Variants in MEIG1 observed in about 807,000 individuals in gnomAD.
MEIG1 encodes the protein meiosis expressed gene 1 protein homolog.
Under a neutral mutation model 11.3 loss-of-function variants are expected in MEIG1, and 12 were observed. The ratio of observed to expected loss-of-function variants is 1.07; its 90% CI spans 0.68 to 1.73. The LOEUF (loss-of-function observed/expected upper bound fraction) is 1.73. Ranked by LOEUF, MEIG1 falls within the 40% of genes most tolerant of loss-of-function variation. MEIG1 has a pLI of 0.00. For synonymous variants in MEIG1, 41 were observed against 33.2 expected (o/e 1.24, Z -0.81); for missense variants, 119 against 104.9 (o/e 1.13, Z -0.59).
intron 2 of MEIG1, among the ~76,000 whole-genome samples, chr10:14,971,505 C>T (rs1470538545): frequency 2.6e-5 from 4 of 151,652 alleles, no homozygotes; most frequent in African/African-American, 7.3e-5. Context: ...ATCACAACAC[C>T]GCACTACAGC....
chr10:14,960,024 C>A (rs1377800153), intron 1 of MEIG1, among the ~76,000 whole-genome samples: 1 of 152,234 alleles, frequency 6.6e-6, no homozygotes, highest in Non-Finnish European at 1.5e-5. Flanking sequence ...TCAGCACTCC[C>A]AGAGCAGGGA....
chr10:14,963,681 T>TG (rs1843041785), intron 1 of MEIG1, among the ~76,000 whole-genome samples: 1 of 152,174 alleles, frequency 6.6e-6, no homozygotes, highest in Non-Finnish European at 1.5e-5. Flanking sequence ...ACTGTAAAAC[T>TG]GGACCGGGTG....
At chr10:14,959,208 C>G (rs1474520718), upstream of MEIG1, among the ~76,000 whole-genome samples, 1 of 152,246 alleles carries the variant, frequency 6.6e-6, no homozygotes, top group African/African-American at 2.4e-5. Context: ...CGCCCTCCAT[C>G]TCTGCTCAGG....
chr10:14,976,162 A>G (rs1289459893), downstream of MEIG1, among the ~76,000 whole-genome samples: 1 of 152,112 alleles, frequency 6.6e-6, no homozygotes, highest in Non-Finnish European at 1.5e-5. Flanking sequence ...GATTTTTCCT[A>G]GGATCTTTTC....
At chr10:14,956,106 T>C (rs1393912333), upstream of MEIG1, among the ~76,000 whole-genome samples, 1 of 152,086 alleles carries the variant, frequency 6.6e-6, no homozygotes, top group Non-Finnish European at 1.5e-5. Context: ...CAAAGGGAAA[T>C]AGAGTCAGGA....
intron 1 of MEIG1, among the ~76,000 whole-genome samples, chr10:14,981,201 T>C (rs1352460686): frequency 3.5e-4 from 52 of 148,794 alleles, no homozygotes; most frequent in African/African-American, 1.3e-3. Flanking sequence ...CCCGTACTCT[T>C]GGCCACCGCT....
chr10:14,967,226 C>T (rs531649755), intron 2 of MEIG1, among the ~76,000 whole-genome samples: 2 of 152,106 alleles, frequency 1.3e-5, no homozygotes, highest in Admixed American at 1.3e-4. Context: ...ATTTCATTAT[C>T]AGATAATCAG....
chr10:14,962,184 G>C (rs1843022622), intron 1 of MEIG1, among the ~76,000 whole-genome samples: 1 of 152,166 alleles, frequency 6.6e-6, no homozygotes, highest in Admixed American at 6.5e-5. Context: ...CTAAGTACTA[G>C]CAGAATTAGA....
At chr10:14,966,224 T>C (rs4750567) in intron 1 of MEIG1, among the ~76,000 whole-genome samples, 97,049 of 151,382 alleles carry the variant, frequency 0.64, 31,407 homozygotes, top group Admixed American at 0.68. Context: ...CCACCATGCC[T>C]AGCTAATTTT....
upstream of MEIG1, chr10:14,954,410 C>G (rs572779950): frequency 1.8e-5 from 6 of 325,640 alleles, no homozygotes; most frequent in Non-Finnish European, 3.6e-5. Context: ...CGGAACTGCG[C>G]TTAGAAATCA....
intron 1 of MEIG1, among the ~76,000 whole-genome samples, chr10:14,964,610 C>T (rs61842863): frequency 0.28 from 27,128 of 97,764 alleles, 3,515 homozygotes; most frequent in Non-Finnish European, 0.31. Flanking sequence ...TATATATATA[C>T]ACACACACAC....
At chr10:14,968,281 AGTTTG>A in intron 2 of MEIG1, among the ~76,000 whole-genome samples, 1 of 152,132 alleles carries the variant, frequency 6.6e-6, no homozygotes. Flanking sequence ...TGAGGTAATG[AGTTTG>A]AGACCAGCCT....
chr10:14,972,370 C>A (rs1935401), intron 2 of MEIG1, 143 bp from the exon 3 acceptor site: 706,378 of 1,051,858 alleles, frequency 0.67, 238,918 homozygotes, highest in Admixed American at 0.71. Context: ...TTGTGGGTAT[C>A]ATACTTTAAA....
chr10:14,974,792 ACAGT>A (rs1843193357), downstream of MEIG1, among the ~76,000 whole-genome samples: 1 of 152,026 alleles, frequency 6.6e-6, no homozygotes, highest in Non-Finnish European at 1.5e-5. Context: ...TCATTAGAAA[ACAGT>A]CATATTAGCT....
At chr10:14,965,548 A>G (rs905482628) in intron 1 of MEIG1, among the ~76,000 whole-genome samples, 2 of 152,178 alleles carry the variant, frequency 1.3e-5, no homozygotes, top group South Asian at 4.1e-4. Flanking sequence ...TACTACAGTG[A>G]CCTCAGTAAA....
chr10:14,954,375 C>G, the MEIG1 span: 3 of 370,480 alleles, frequency 8.1e-6, no homozygotes, highest in Non-Finnish European at 1.6e-5. Flanking sequence ...AGCAGGTGGC[C>G]CCAGCCGACG....
At chr10:14,960,119 C>T (rs1161778544) in intron 1 of MEIG1, among the ~76,000 whole-genome samples, 4 of 134,314 alleles carry the variant, frequency 3.0e-5, no homozygotes, top group Non-Finnish European at 3.2e-5. Context: ...CCTTAGAGAC[C>T]GGCTAATGCT....
chr10:14,955,108 T>C (rs906631133), upstream of MEIG1, among the ~76,000 whole-genome samples: 1 of 152,136 alleles, frequency 6.6e-6, no homozygotes, highest in African/African-American at 2.4e-5. Context: ...ATTTTTATAT[T>C]TTTAGCAGAG....
At chr10:14,956,395 A>C (rs1436360969), upstream of MEIG1, among the ~76,000 whole-genome samples, 2 of 149,156 alleles carry the variant, frequency 1.3e-5, no homozygotes, top group South Asian at 4.3e-4. Context: ...CCTGACCAAC[A>C]TGGGGAAACC....
Sources: gnomAD v4.1 joint callset for allele counts (sites outside exome capture counted in the v4.1 genomes callset) on GRCh38, gnomAD v4.1.1 for gene constraint, MANE v1.5 for transcripts, NCBI Gene and HGNC (gene_info 2026-07-23, HGNC 2026-07-21) for gene names.